Variants in ARHGAP8 observed in about 807,000 individuals in gnomAD.
ARHGAP8 encodes Rho GTPase activating protein 8.
In ARHGAP8, 62 loss-of-function variants were observed where a neutral mutation model predicts 46.1. That is an observed-to-expected ratio of 1.34 (90% CI 1.10 to 1.66). The LOEUF (loss-of-function observed/expected upper bound fraction) is 1.66, where lower values mean the gene tolerates loss of function less well. Ranked by LOEUF, ARHGAP8 falls within the 40% of genes most tolerant of loss-of-function variation. The pLI is 0.00. For missense variants in ARHGAP8, 923 were observed against 568.4 expected (o/e 1.62, Z -6.34); for synonymous variants, 375 against 243.1 (o/e 1.54, Z -5.05).
chr22:44,861,162 G>T (rs2070462741), intron 11 of ARHGAP8, among the ~76,000 whole-genome samples: 2 of 152,120 alleles, frequency 1.3e-5, no homozygotes, highest in African/African-American at 4.8e-5. Context: ...AGTAGAGATG[G>T]GGTTTCGTCA....
At chr22:44,836,236 T>C (rs944300893) in intron 7 of ARHGAP8, among the ~76,000 whole-genome samples, 10 of 152,062 alleles carry the variant, frequency 6.6e-5, no homozygotes, top group Non-Finnish European at 1.2e-4. Context: ...CTTTTTTTTT[T>C]CTTTCTTTCT....
intron 1 of ARHGAP8, 72 bp downstream of exon 1, chr22:44,752,699 G>A: frequency 6.6e-6 from 1 of 150,634 alleles, no homozygotes; most frequent in South Asian, 2.1e-4. Flanking sequence ...TGCGCCGCGG[G>A]GGCTCCCAGG....
At chr22:44,812,021 C>T (rs1929369896) in intron 4 of ARHGAP8, among the ~76,000 whole-genome samples, 1 of 151,348 alleles carries the variant, frequency 6.6e-6, no homozygotes. Flanking sequence ...AAGATTTATG[C>T]AGTGAGGGTT....
intron 1 of ARHGAP8, among the ~76,000 whole-genome samples, chr22:44,768,718 A>G (rs532058061): frequency 1.4e-3 from 209 of 152,276 alleles, no homozygotes; most frequent in African/African-American, 4.0e-3. Context: ...AGTTCCTTAC[A>G]GCCCTGTGTC....
chr22:44,794,687 G>A (rs1248706233), intron 2 of ARHGAP8, among the ~76,000 whole-genome samples: 1 of 152,046 alleles, frequency 6.6e-6, no homozygotes, highest in Non-Finnish European at 1.5e-5. Flanking sequence ...TCCAGCCTGG[G>A]TGACAAAGCA....
In ARHGAP8 at chr22:44,802,108, G is replaced by A. The variant is rs769321323; in HGVS notation, c.111G>A (p.Thr37=). 10 of 1,614,140 alleles carry A rather than the reference G, an allele frequency of 6.2e-6. No individual in the cohort carries two copies. The South Asian group carries it at 6.6e-5, about 11-fold the overall frequency. ...GDDRFGRRVV[T]FSCCRMPPSH... ...ACCGCTTTGGAAGACGTGTTGTCAC[G>A]TTCAGCTGCTGCCGGATGCCACCCT... Residue 37 remains threonine, a synonymous_variant, in exon 3 of 12, where the codon ACG becomes ACA. Transcript: ENST00000356099.
In ARHGAP8 at chr22:44,793,357, G is replaced by A. The variant is rs1927841893; in HGVS notation, c.79+6751G>A. Among the ~76,000 whole-genome samples the A allele has an allele frequency of 3.3e-5, 5 of 152,078 alleles. No homozygotes were observed. In the South Asian group the frequency reaches 1.0e-3, roughly 32 times the overall value. ...GGAGGGTGGTGAGTGGCAGGGGAGA[G>A]GGAGAGAAGTCCACGCCGGACCTGG... On this transcript the variant is annotated intron_variant, in intron 2 of 11. Coordinates refer to ENST00000356099, the MANE Select transcript of ARHGAP8 (RefSeq NM_181335.3).
chr22:44,839,914 G>A (rs1036036980), intron 7 of ARHGAP8, among the ~76,000 whole-genome samples: 1 of 152,240 alleles, frequency 6.6e-6, no homozygotes, highest in African/African-American at 2.4e-5. Flanking sequence ...CAGAGGGCAC[G>A]TGGTGGTGTC....
At position 44,859,317 on chromosome 22, in the gene ARHGAP8, T is replaced by C. The variant is rs2070349117; in HGVS notation, c.878-414T>C. On this transcript the variant is annotated intron_variant, in intron 10 of 11. Coordinates refer to ENST00000356099, the MANE Select transcript of ARHGAP8 (RefSeq NM_181335.3). ...TTGGTGCTGTCCTCGAGATAGTGAG[T>C]TCTTACCAGATCTGGTTTAAAAGCA... 2.0e-5 allele frequency among the ~76,000 whole-genome samples: 3 copies of C among 151,894 alleles called. No individual in the cohort carries two copies. The South Asian group carries it at 6.2e-4, about 32-fold the overall frequency.
Position 44,845,309 on chromosome 22 carries a change from C to T in ARHGAP8, c.637C>T (p.Leu213=). 1 of 1,614,162 alleles carries T rather than the reference C, an allele frequency of 6.2e-7. No homozygotes were observed. Among genetic ancestry groups the T allele is most frequent in the Non-Finnish European group, 8.5e-7 (1 of 1,180,034 alleles). ...TCAAGGCGAACTCATCCCCCCTGTG[C>T]TGAGGTTCACAGTGACGTACCTGAG... is the stretch of plus-strand genomic sequence containing the variant. ...KNQGELIPPV[L]RFTVTYLREK... is the part of the protein sequence containing the mutation. Residue 213 remains leucine, a synonymous_variant, in exon 8 of 12, where the codon CTG becomes TTG. Coordinates refer to ENST00000356099, the MANE Select transcript of ARHGAP8 (RefSeq NM_181335.3).
chr22:44,783,856 G>T (rs1927026056), intron 1 of ARHGAP8, among the ~76,000 whole-genome samples: 1 of 152,032 alleles, frequency 6.6e-6, no homozygotes, highest in Non-Finnish European at 1.5e-5. Context: ...GCCTCCAGCC[G>T]CAGAGCCTGT....
At chr22:44,850,507 C>G (rs1470129098) in intron 10 of ARHGAP8, 1 of 152,198 alleles carries the variant, frequency 6.6e-6, no homozygotes, top group Non-Finnish European at 1.5e-5. Context: ...AGAAGCCTCC[C>G]AACTTCATTA....
intron 10 of ARHGAP8, 102 bp from the exon 11 acceptor site, chr22:44,859,626 ATCC>A: frequency 8.0e-7 from 1 of 1,250,224 alleles, no homozygotes. Context: ...GGGATAGTCC[ATCC>A]TCAGAGCTGT....
At chr22:44,781,238 C>T (rs1557559) in intron 1 of ARHGAP8, among the ~76,000 whole-genome samples, 7 of 152,146 alleles carry the variant, frequency 4.6e-5, no homozygotes, top group African/African-American at 7.2e-5. Context: ...TGGAATTTTA[C>T]ATACATTGCT....
In ARHGAP8 at chr22:44,825,560, T is replaced by A; in HGVS notation, c.563T>A (p.Leu188Gln). ...PTKTPPPRPP[L>Q]PTQQFGVSLQ... ...AAGACACCACCGCCGCGGCCCCCGC[T>A]GCCCACACAGCAGTTTGGCGTCAGT... Residue 188 changes from leucine to glutamine, a missense_variant, in exon 7 of 12, where the codon CTG (leucine) becomes CAG (glutamine). Leu to Gln is a moderately radical substitution (Grantham distance 113). Coordinates refer to ENST00000356099, the MANE Select transcript of ARHGAP8 (RefSeq NM_181335.3). The A allele has an allele frequency of 1.2e-6, 2 of 1,613,088 alleles. No individual in the cohort carries two copies. Among genetic ancestry groups the A allele is most frequent in the Non-Finnish European group, 1.7e-6 (2 of 1,179,762 alleles).
chr22:44,786,259 C>G (rs199733947), intron 1 of ARHGAP8, among the ~76,000 whole-genome samples, 198 bp from the exon 2 acceptor site: 17 of 141,048 alleles, frequency 1.2e-4, no homozygotes, highest in African/African-American at 3.1e-4. Context: ...AGGGCGCGTA[C>G]TGGGTGCTCG....
At chr22:44,862,197 C>G in intron 11 of ARHGAP8, 78 bp from the exon 12 acceptor site, 3 of 1,514,872 alleles carry the variant, frequency 2.0e-6, no homozygotes, top group Non-Finnish European at 2.7e-6. Flanking sequence ...TACGCCTCTC[C>G]CTAAGTTCGG....
At chr22:44,817,043 G>A (rs1929804285) in intron 5 of ARHGAP8, among the ~76,000 whole-genome samples, 2 of 152,016 alleles carry the variant, frequency 1.3e-5, no homozygotes, top group South Asian at 2.1e-4. Context: ...CTGCCACCAC[G>A]CCTGGCTAAT....
intron 7 of ARHGAP8, among the ~76,000 whole-genome samples, chr22:44,843,626 C>G (rs1012087922): frequency 7.9e-5 from 12 of 151,986 alleles, no homozygotes; most frequent in Admixed American, 1.3e-4. Context: ...CTCAGGAGTT[C>G]AAGACCAGCC....
Sources: gnomAD v4.1 joint callset for allele counts (sites outside exome capture counted in the v4.1 genomes callset) on GRCh38, gnomAD v4.1.1 for gene constraint, MANE v1.5 for transcripts, NCBI Gene and HGNC (gene_info 2026-07-23, HGNC 2026-07-21) for gene names.